SPOCK1: variants seen among roughly 807,000 people sequenced by gnomAD.
SPOCK1 encodes SPARC (osteonectin), cwcv and kazal like domains proteoglycan 1.
SPOCK1 carries 23 observed loss-of-function variants against 55.3 expected under a neutral mutation model. The observed-to-expected ratio is 0.42, with a 90% CI of 0.30 to 0.59. The LOEUF (loss-of-function observed/expected upper bound fraction) is 0.59, where lower values mean the gene tolerates loss of function less well. SPOCK1 is among the 20% of genes least tolerant of loss of function. The probability of loss-of-function intolerance (pLI) is 0.22; values close to 1 mark genes in which losing one functional copy is unlikely to be tolerated. For synonymous variants in SPOCK1, 226 were observed against 221.0 expected (o/e 1.02, Z -0.20); for missense variants, 499 against 552.5 (o/e 0.90, Z 0.97).
chr5:137,477,615 A>T (rs1753863048), intron 2 of SPOCK1, among the ~76,000 whole-genome samples: 1 of 152,188 alleles, frequency 6.6e-6, no homozygotes, highest in South Asian at 2.1e-4. Flanking sequence ...CTGTCAACCT[A>T]CTGACAACCC....
At chr5:137,337,059 C>T (rs1750296710) in intron 2 of SPOCK1, among the ~76,000 whole-genome samples, 1 of 152,170 alleles carries the variant, frequency 6.6e-6, no homozygotes, top group African/African-American at 2.4e-5. Flanking sequence ...CAGTGCCTGG[C>T]ACACAGTGGG....
chr5:137,412,749 G>A (rs917025936), intron 2 of SPOCK1, among the ~76,000 whole-genome samples: 1 of 152,158 alleles, frequency 6.6e-6, no homozygotes, highest in African/African-American at 2.4e-5. Flanking sequence ...CCCTTCACAG[G>A]CCTCAAGAAC....
rs61229514 is a variant in SPOCK1, at chr5:137,305,429, G to T, written c.187-38374C>A. Among the ~76,000 whole-genome samples, 816 of 152,198 alleles carry T rather than the reference G, an allele frequency of 5.4e-3. 1 individual carries two copies. The highest frequency in any genetic ancestry group is 0.019 in the African/African-American group (801 of 41,508). On this transcript the variant is annotated intron_variant, in intron 2 of 10. Transcript: ENST00000394945. ...CATCTGTAAAGACCTCATTTCCAAA[G>T]GTGGTCACATTCATAGATGCCAGAG...
chr5:137,105,983 G>T (rs1368011013), intron 5 of SPOCK1, among the ~76,000 whole-genome samples: 3 of 152,136 alleles, frequency 2.0e-5, no homozygotes, highest in African/African-American at 7.2e-5. Context: ...GGCGCTTAGT[G>T]GGCCCTCTCC....
chr5:137,295,789 A>G (rs777760614), intron 2 of SPOCK1, among the ~76,000 whole-genome samples: 45 of 152,124 alleles, frequency 3.0e-4, no homozygotes, highest in Non-Finnish European at 6.0e-4. Context: ...GAGTGGAGTT[A>G]TATATTAAAA....
intron 5 of SPOCK1, among the ~76,000 whole-genome samples, chr5:137,076,854 A>G (rs1475221437): frequency 6.6e-6 from 1 of 152,194 alleles, no homozygotes; most frequent in Non-Finnish European, 1.5e-5. Context: ...CATTCATTCT[A>G]TAGATGAAGA....
At chr5:137,219,483 A>G (rs1755804306) in intron 3 of SPOCK1, among the ~76,000 whole-genome samples, 1 of 152,234 alleles carries the variant, frequency 6.6e-6, no homozygotes, top group Non-Finnish European at 1.5e-5. Context: ...AAGGGGATTC[A>G]TTATTCCAGG....
At chr5:137,311,275 T>C (rs1350829164) in intron 2 of SPOCK1, among the ~76,000 whole-genome samples, 3 of 152,190 alleles carry the variant, frequency 2.0e-5, no homozygotes, top group African/African-American at 4.8e-5. Flanking sequence ...ATACCTACTA[T>C]GTGCTAAGCA....
At chr5:137,385,208 G>A (rs1433016019) in intron 2 of SPOCK1, among the ~76,000 whole-genome samples, 1 of 152,126 alleles carries the variant, frequency 6.6e-6, no homozygotes, top group Non-Finnish European at 1.5e-5. Context: ...ATCACCTTAA[G>A]AGCAGGAACC....
intron 4 of SPOCK1, among the ~76,000 whole-genome samples, chr5:137,140,267 G>A (rs374258510): frequency 3.9e-5 from 6 of 152,292 alleles, no homozygotes; most frequent in East Asian, 1.9e-4. Context: ...TTCCTGGGTC[G>A]TGGCATCACT....
chr5:137,303,415 T>C (rs1367679135), intron 2 of SPOCK1, among the ~76,000 whole-genome samples: 1 of 152,092 alleles, frequency 6.6e-6, no homozygotes, highest in Non-Finnish European at 1.5e-5. Context: ...GATAAGTCTC[T>C]GTAGCCTTAA....
intron 2 of SPOCK1, among the ~76,000 whole-genome samples, chr5:137,334,134 C>T (rs1260656771): frequency 6.6e-6 from 1 of 152,148 alleles, no homozygotes; most frequent in Non-Finnish European, 1.5e-5. Context: ...GTACAAAATT[C>T]GCTGTCTTCA....
intron 2 of SPOCK1, among the ~76,000 whole-genome samples, chr5:137,379,176 T>C (rs1183089118): frequency 3.3e-5 from 5 of 152,004 alleles, no homozygotes; most frequent in Non-Finnish European, 5.9e-5. Flanking sequence ...CAAGGAGCAC[T>C]TGCCACCCTG....
intron 2 of SPOCK1, among the ~76,000 whole-genome samples, chr5:137,448,183 G>T (rs1561538425): frequency 6.6e-6 from 1 of 152,212 alleles, no homozygotes; most frequent in East Asian, 1.9e-4. Flanking sequence ...TAGAGGCAGA[G>T]GTTGCAGTGA....
At chr5:137,424,470 A>G (rs547569826) in intron 2 of SPOCK1, among the ~76,000 whole-genome samples, 2 of 152,342 alleles carry the variant, frequency 1.3e-5, no homozygotes, top group Admixed American at 1.3e-4. Context: ...AATATGACCC[A>G]GCAATTCCAC....
At chr5:137,073,595 A>G (rs1752660206) in intron 5 of SPOCK1, among the ~76,000 whole-genome samples, 1 of 152,168 alleles carries the variant, frequency 6.6e-6, no homozygotes, top group African/African-American at 2.4e-5. Flanking sequence ...ACACATTTCT[A>G]TGAGTTAAGG....
At chr5:137,212,049 C>T (rs1395280631) in intron 3 of SPOCK1, among the ~76,000 whole-genome samples, 1 of 152,170 alleles carries the variant, frequency 6.6e-6, no homozygotes, top group Non-Finnish European at 1.5e-5. Context: ...AATTTATAGC[C>T]AATCAGTCAG....
At chr5:137,061,094 G>A (rs747343992) in intron 6 of SPOCK1, among the ~76,000 whole-genome samples, 5 of 152,154 alleles carry the variant, frequency 3.3e-5, no homozygotes, top group African/African-American at 7.2e-5. Flanking sequence ...AATATGTATC[G>A]AAAGGTTAGT....
chr5:137,457,672 A>C (rs566084408), intron 2 of SPOCK1, among the ~76,000 whole-genome samples: 1 of 152,310 alleles, frequency 6.6e-6, no homozygotes, highest in African/African-American at 2.4e-5. Context: ...TTGAGTACCA[A>C]CTATGTGCCA....
Sources: allele counts gnomAD v4.1 joint callset (sites outside exome capture counted in the v4.1 genomes callset), GRCh38; gene constraint gnomAD v4.1.1; transcripts MANE v1.5; gene names NCBI Gene and HGNC (gene_info 2026-07-23, HGNC 2026-07-21).